The following CAPZA1 variants were observed in gnomAD, a reference collection of about 807,000 sequenced individuals.
CAPZA1 encodes the protein capping actin protein of muscle Z-line subunit alpha 1.
CAPZA1 carries 10 observed loss-of-function variants against 40.8 expected under a neutral mutation model. The ratio of observed to expected loss-of-function variants is 0.25; its 90% CI spans 0.15 to 0.42. CAPZA1 has a LOEUF of 0.42. CAPZA1 is among the 10% of genes least tolerant of loss of function. The pLI, the probability that CAPZA1 is intolerant of heterozygous loss-of-function variation, is 1.00. For missense variants in CAPZA1, 277 were observed against 353.8 expected, an observed-to-expected ratio of 0.78 and a Z score of 1.74; for synonymous variants, 98 against 115.0, an observed-to-expected ratio of 0.85 and a Z score of 0.95.
intron 1 of CAPZA1, among the ~76,000 whole-genome samples, chr1:112,642,217 T>C (rs916893215): frequency 4.3e-5 from 6 of 140,012 alleles, no homozygotes; most frequent in African/African-American, 1.6e-4. Context: ...TTTTTTTTTT[T>C]TTTTTTTTTT....
intron 3 of CAPZA1, among the ~76,000 whole-genome samples, chr1:112,651,474 G>A (rs1671384353): frequency 2.0e-5 from 3 of 152,130 alleles, no homozygotes; most frequent in South Asian, 4.1e-4. Context: ...GTCAGATTCT[G>A]AATATGTACT....
intron 1 of CAPZA1, among the ~76,000 whole-genome samples, chr1:112,636,123 T>A (rs1376785557): frequency 6.6e-6 from 1 of 152,208 alleles, no homozygotes; most frequent in African/African-American, 2.4e-5. Context: ...TAAGCTACAG[T>A]TTTATAAATT....
At chr1:112,627,998 G>A (rs528935799) in intron 1 of CAPZA1, among the ~76,000 whole-genome samples, 1 of 152,134 alleles carries the variant, frequency 6.6e-6, no homozygotes, top group South Asian at 2.1e-4. Flanking sequence ...TTGAGCTTAA[G>A]TATGCCGTGA....
intron 5 of CAPZA1, among the ~76,000 whole-genome samples, chr1:112,658,497 C>G (rs1294642922): frequency 3.9e-5 from 6 of 152,200 alleles, no homozygotes; most frequent in African/African-American, 1.2e-4. Context: ...TTCGTTTTAT[C>G]TTGAATACCA....
intron 1 of CAPZA1, among the ~76,000 whole-genome samples, chr1:112,640,423 C>T (rs1671127322): frequency 7.8e-6 from 1 of 127,870 alleles, no homozygotes. Context: ...CGCCTCTGCC[C>T]GGCCGCCCCT....
intron 1 of CAPZA1, among the ~76,000 whole-genome samples, chr1:112,635,559 T>A (rs2101147095): frequency 6.6e-6 from 1 of 151,874 alleles, no homozygotes; most frequent in East Asian, 2.0e-4. Context: ...AGGACTTTTT[T>A]TTTTTTTTTT....
In CAPZA1 at chr1:112,670,456, CCT is replaced by C; in HGVS notation, c.*325_*326del. ...GACATTTTACTGTTTAAAAAAGTTTCCTAGCCATGAAGCCCTGCTACTGATTT... is the reference window on the plus strand; with the variant it reads ...GACATTTTACTGTTTAAAAAAGTTTCAGCCATGAAGCCCTGCTACTGATTT... On this transcript the variant is annotated 3_prime_UTR_variant, in exon 10 of 10. Coordinates refer to ENST00000263168, the MANE Select transcript of CAPZA1 (RefSeq NM_006135.3). 1 of 209,536 alleles carries C rather than the reference CCT, an allele frequency of 4.8e-6. No individual in the cohort carries two copies. The highest frequency in any genetic ancestry group is 8.9e-6 in the Non-Finnish European group (1 of 112,854). 13.0% of individuals were successfully genotyped at this position (209,536 alleles called of 1,614,324 possible).
intron 8 of CAPZA1, 34 bp from the exon 9 acceptor site, chr1:112,669,509 A>G (rs1671788718): frequency 1.3e-6 from 2 of 1,488,982 alleles, no homozygotes; most frequent in South Asian, 1.1e-5. Context: ...ATTAAAAAAA[A>G]ATCTGATTTT....
In CAPZA1 at chr1:112,653,582, T is replaced by A; in HGVS notation, c.156-16T>A. ...CTTTTTTTTTTTTTTTTTAAAAAAC[T>A]TTTAAAAAAAAACAGTGCATTTGCC... On this transcript the variant is annotated splice_polypyrimidine_tract_variant and intron_variant, in intron 3 of 9. Transcript: ENST00000263168. 1 of 1,501,470 alleles carries A rather than the reference T, an allele frequency of 6.7e-7. No individual in the cohort carries two copies. The highest frequency in any genetic ancestry group is 9.0e-7 in the Non-Finnish European group (1 of 1,108,726). The allele number at this position is 1,501,470 out of a possible 1,614,324, so 93.0% of individuals were successfully genotyped here.
At chr1:112,641,280 A>G (rs1671157310) in intron 1 of CAPZA1, among the ~76,000 whole-genome samples, 1 of 152,118 alleles carries the variant, frequency 6.6e-6, no homozygotes, top group South Asian at 2.1e-4. Flanking sequence ...TTATCATACT[A>G]GTAACATTAT....
chr1:112,640,778 G>A (rs1038607055), intron 1 of CAPZA1, among the ~76,000 whole-genome samples: 2 of 152,276 alleles, frequency 1.3e-5, no homozygotes. Context: ...GTGGAATAGA[G>A]AGGGGAGAAA....
chr1:112,666,917 C>T, intron 7 of CAPZA1, 157 bp from the exon 8 acceptor site: 1 of 562,326 alleles, frequency 1.8e-6, no homozygotes, highest in Non-Finnish European at 3.2e-6. Context: ...ATTAATTAAC[C>T]ACCATTGTGA....
At chr1:112,628,697 AGGACTG>A (rs1306524050) in intron 1 of CAPZA1, among the ~76,000 whole-genome samples, 1 of 152,220 alleles carries the variant, frequency 6.6e-6, no homozygotes, top group Non-Finnish European at 1.5e-5. Flanking sequence ...GGAGTTTTGC[AGGACTG>A]GTTATGTGTC....
chr1:112,640,624 G>C (rs1426122252), intron 1 of CAPZA1, among the ~76,000 whole-genome samples: 1 of 151,014 alleles, frequency 6.6e-6, no homozygotes, highest in Non-Finnish European at 1.5e-5. Context: ...CGCCCGGCCA[G>C]CCGCCCCATC....
intron 1 of CAPZA1, among the ~76,000 whole-genome samples, chr1:112,642,321 C>T (rs1671186811): frequency 6.7e-6 from 1 of 148,330 alleles, no homozygotes; most frequent in Admixed American, 6.8e-5. Context: ...TCAAGCAATT[C>T]TCCTGCCTCA....
Position 112,670,813 on chromosome 1 carries a change from T to A in CAPZA1, c.*681T>A, listed in dbSNP as rs953871260. On this transcript the variant is annotated 3_prime_UTR_variant, in exon 10 of 10. Transcript: ENST00000263168. ...ATGTTTGCTTTTATCCCTTCTCTCATTGTCTCCTTCCCATCTTAGTACCAT... is the reference window on the plus strand; with the variant it reads ...ATGTTTGCTTTTATCCCTTCTCTCAATGTCTCCTTCCCATCTTAGTACCAT... 6.5e-6 allele frequency: 1 copy of A among 152,688 alleles called. No homozygotes were observed. Among genetic ancestry groups the A allele is most frequent in the African/African-American group, 2.4e-5 (1 of 41,472 alleles). 9.5% of individuals were successfully genotyped at this position (152,688 alleles called of 1,614,324 possible).
chr1:112,661,593 T>C (rs1382710457), intron 7 of CAPZA1, among the ~76,000 whole-genome samples: 1 of 152,256 alleles, frequency 6.6e-6, no homozygotes, highest in African/African-American at 2.4e-5. Context: ...AATATCTTAG[T>C]AGCCTAGCGC....
intron 1 of CAPZA1, among the ~76,000 whole-genome samples, chr1:112,622,796 A>G (rs1670701844): frequency 6.6e-6 from 1 of 152,200 alleles, no homozygotes; most frequent in Admixed American, 6.5e-5. Context: ...AAACAAGTTT[A>G]TCAAAATTAT....
At chr1:112,651,547 C>T (rs1671385865) in intron 3 of CAPZA1, among the ~76,000 whole-genome samples, 1 of 152,106 alleles carries the variant, frequency 6.6e-6, no homozygotes, top group South Asian at 2.1e-4. Context: ...AGAGAAGAAT[C>T]AAAGATCACC....
Sources: gnomAD v4.1 joint callset for allele counts (sites outside exome capture counted in the v4.1 genomes callset) on GRCh38, gnomAD v4.1.1 for gene constraint, MANE v1.5 for transcripts, NCBI Gene and HGNC (gene_info 2026-07-23, HGNC 2026-07-21) for gene names.